Variants in NCOA1 observed in about 807,000 individuals in gnomAD.
The protein encoded by NCOA1 is Hin-2 protein.
In NCOA1, 35 loss-of-function variants were observed where a neutral mutation model predicts 150.9. That is an observed-to-expected ratio of 0.23 (90% CI 0.18 to 0.31). The LOEUF (loss-of-function observed/expected upper bound fraction) is 0.31. NCOA1 is among the 10% of genes least tolerant of loss of function. NCOA1 has a pLI of 1.00. For missense variants in NCOA1, 1,491 were observed against 1,749.3 expected (o/e 0.85, Z 2.63); for synonymous variants, 590 against 630.0 (o/e 0.94, Z 0.95).
chr2:24,634,723 G>A (rs779572339), intron 3 of NCOA1, among the ~76,000 whole-genome samples: 34 of 36,320 alleles, frequency 9.4e-4, no homozygotes, highest in African/African-American at 3.3e-3. Context: ...CCCCCCCCCC[G>A]CCCCCGGAGA....
At chr2:24,586,969 A>G (rs1023506148) in intron 3 of NCOA1, among the ~76,000 whole-genome samples, 4 of 151,910 alleles carry the variant, frequency 2.6e-5, no homozygotes, top group African/African-American at 9.7e-5. Context: ...TTCTTCCCAT[A>G]TTCTTCCTAC....
At chr2:24,625,603 A>G (rs944656159) in intron 3 of NCOA1, among the ~76,000 whole-genome samples, 6 of 151,962 alleles carry the variant, frequency 3.9e-5, no homozygotes, top group East Asian at 1.9e-4. Flanking sequence ...CTTGAAATCT[A>G]TTTCCCCCAA....
chr2:24,602,440 A>G (rs1668164767), intron 3 of NCOA1, among the ~76,000 whole-genome samples: 1 of 152,080 alleles, frequency 6.6e-6, no homozygotes, highest in African/African-American at 2.4e-5. Context: ...AGCTCAAGCA[A>G]TCTGCCTACC....
At chr2:24,719,444 T>C (rs887487557) in intron 14 of NCOA1, among the ~76,000 whole-genome samples, 6 of 146,534 alleles carry the variant, frequency 4.1e-5, no homozygotes, top group African/African-American at 7.3e-5. Context: ...TTTTATTGTA[T>C]GTAAATTATA....
chr2:24,753,504 T>C (rs1664350909), intron 20 of NCOA1, among the ~76,000 whole-genome samples: 1 of 152,242 alleles, frequency 6.6e-6, no homozygotes, highest in Non-Finnish European at 1.5e-5. Context: ...CAGGCTTTCA[T>C]TCCCATCATT....
intron 19 of NCOA1, among the ~76,000 whole-genome samples, chr2:24,743,022 T>C (rs1028602467): frequency 2.0e-5 from 3 of 152,202 alleles, no homozygotes; most frequent in African/African-American, 7.2e-5. Flanking sequence ...TCCATTCTCT[T>C]TGTCCTGGGT....
At chr2:24,700,176 ATAATAG>A (rs746814169) in intron 11 of NCOA1, among the ~76,000 whole-genome samples, 30 of 144,880 alleles carry the variant, frequency 2.1e-4, no homozygotes, top group Non-Finnish European at 3.6e-4. Flanking sequence ...AATAATAATA[ATAATAG>A]TAATAATGCT....
rs1673312202 is a variant in NCOA1, at chr2:24,704,487, T to TA, written c.950-597dup. ...AGCTGCCCCCAGTATAGAGAAAGAT[T>TA]AAGGTTGGGCCAGGCGCGGTGGCTT... is the stretch of plus-strand genomic sequence containing the variant. On this transcript the variant is annotated intron_variant, in intron 11 of 22. Transcript: ENST00000348332. 2.0e-5 allele frequency among the ~76,000 whole-genome samples: 3 copies of TA among 152,206 alleles called. No homozygotes were observed. The South Asian group carries it at 6.2e-4, about 32-fold the overall frequency.
chr2:24,509,266 G>C (rs1421552935), intron 1 of NCOA1, among the ~76,000 whole-genome samples: 1 of 152,162 alleles, frequency 6.6e-6, no homozygotes, highest in East Asian at 1.9e-4. Flanking sequence ...AAGTGTCCAA[G>C]GCCACATTGC....
At chr2:24,754,682 C>CT (rs1203827416) in intron 20 of NCOA1, among the ~76,000 whole-genome samples, 1 of 152,192 alleles carries the variant, frequency 6.6e-6, no homozygotes, top group African/African-American at 2.4e-5. Flanking sequence ...GTGATTAACA[C>CT]TTGACATACT....
intron 5 of NCOA1, among the ~76,000 whole-genome samples, chr2:24,665,149 T>TC (rs1671359419): frequency 6.6e-6 from 1 of 151,902 alleles, no homozygotes; most frequent in Non-Finnish European, 1.5e-5. Context: ...CATTTTTTTT[T>TC]CTGTCTTTTT....
rs1229464642 is a variant in NCOA1 at position 24,497,672 on chromosome 2, A to C, written c.-396+6070A>C. ...GGGTGACAGAGCGAGACTCCATCTC[A>C]AAAAAAAAAAAAGATTCTTGTGCTG... is the stretch of plus-strand genomic sequence containing the variant. On this transcript the variant is annotated intron_variant, in intron 1 of 22. Transcript: ENST00000348332. Among the ~76,000 whole-genome samples the C allele has an allele frequency of 2.3e-5, 3 of 131,024 alleles. No individual in the cohort carries two copies. In the East Asian group the frequency reaches 9.3e-4, roughly 40 times the overall value. 86.0% of individuals were successfully genotyped at this position (131,024 alleles called of 152,430 possible). A position where few individuals can be genotyped will look rare whatever the true frequency, so the allele number is the denominator to read the frequency against.
intron 1 of NCOA1, among the ~76,000 whole-genome samples, chr2:24,531,364 G>A (rs1183937871): frequency 6.6e-6 from 1 of 151,824 alleles, no homozygotes; most frequent in Admixed American, 6.6e-5. Context: ...AAGAAAATGT[G>A]GCATATACAC....
At chr2:24,644,350 C>G (rs1447520457) in intron 4 of NCOA1, among the ~76,000 whole-genome samples, 1 of 151,766 alleles carries the variant, frequency 6.6e-6, no homozygotes, top group Non-Finnish European at 1.5e-5. Context: ...ATGATGAGAC[C>G]CTCAAAGTCC....
chr2:24,629,964 C>T (rs1217345617), intron 3 of NCOA1, among the ~76,000 whole-genome samples: 1 of 151,296 alleles, frequency 6.6e-6, no homozygotes, highest in Non-Finnish European at 1.5e-5. Context: ...CTGCCTCAGC[C>T]TCCGGAGTAG....
intron 1 of NCOA1, among the ~76,000 whole-genome samples, chr2:24,510,383 G>C (rs1463709487): frequency 6.6e-6 from 1 of 152,092 alleles, no homozygotes; most frequent in Non-Finnish European, 1.5e-5. Context: ...GTCTTGCTCT[G>C]TTGCCCAGAT....
chr2:24,542,242 G>A (rs1373245758), intron 1 of NCOA1, among the ~76,000 whole-genome samples: 1 of 132,772 alleles, frequency 7.5e-6, no homozygotes, highest in Admixed American at 8.6e-5. Flanking sequence ...CTAAATTGAA[G>A]ACTTTAACTT....
intron 4 of NCOA1, among the ~76,000 whole-genome samples, chr2:24,653,599 G>A (rs562973720): frequency 1.3e-5 from 2 of 152,100 alleles, no homozygotes; most frequent in South Asian, 4.1e-4. Flanking sequence ...GTTAGATATT[G>A]GATATACAAT....
chr2:24,621,731 C>T (rs867115164), intron 3 of NCOA1, among the ~76,000 whole-genome samples: 8 of 152,248 alleles, frequency 5.3e-5, no homozygotes, highest in East Asian at 1.9e-4. Context: ...CCATCCTCTT[C>T]GGCTTCCCAA....
Sources: allele counts gnomAD v4.1 joint callset (sites outside exome capture counted in the v4.1 genomes callset), GRCh38; gene constraint gnomAD v4.1.1; transcripts MANE v1.5; gene names NCBI Gene and HGNC (gene_info 2026-07-23, HGNC 2026-07-21).